The following GRID2 variants were observed in gnomAD, a reference collection of about 807,000 sequenced individuals.
GRID2 encodes glutamate ionotropic receptor delta type subunit 2.
GRID2 carries 33 observed loss-of-function variants against 114.8 expected under a neutral mutation model. That is an observed-to-expected ratio of 0.29 (90% confidence interval 0.22 to 0.38). GRID2 has a LOEUF of 0.38. Among genes scored for constraint, GRID2 ranks in the 10% least tolerant of loss-of-function variants. The probability of loss-of-function intolerance (pLI) is 1.00; values close to 1 mark genes in which losing one functional copy is unlikely to be tolerated. For missense variants in GRID2, 1,184 were observed against 1,257.7 expected (o/e 0.94, Z 0.89); for synonymous variants, 505 against 449.9 (o/e 1.12, Z -1.55).
At chr4:93,490,235 C>T (rs914573441) in intron 11 of GRID2, among the ~76,000 whole-genome samples, 1 of 151,756 alleles carries the variant, frequency 6.6e-6, no homozygotes, top group Non-Finnish European at 1.5e-5. Context: ...AAAAATAATC[C>T]TTTCAATATT....
At chr4:92,931,878 G>A (rs1295355676) in intron 2 of GRID2, among the ~76,000 whole-genome samples, 1 of 150,858 alleles carries the variant, frequency 6.6e-6, no homozygotes, top group Non-Finnish European at 1.5e-5. Context: ...AAAAAAGAAG[G>A]CCTTTTTAAT....
At chr4:93,003,679 G>GT (rs1452065879) in intron 2 of GRID2, among the ~76,000 whole-genome samples, 1 of 151,876 alleles carries the variant, frequency 6.6e-6, no homozygotes, top group Non-Finnish European at 1.5e-5. Context: ...AGAAATGTTT[G>GT]TTTAGGAGTT....
intron 2 of GRID2, among the ~76,000 whole-genome samples, chr4:92,628,595 C>T (rs577354495): frequency 1.3e-5 from 2 of 152,176 alleles, no homozygotes; most frequent in African/African-American, 2.4e-5. Flanking sequence ...TGAGGAAAGG[C>T]GATCTGCCCG....
chr4:92,663,293 C>T (rs1732606636), intron 2 of GRID2, among the ~76,000 whole-genome samples: 1 of 150,922 alleles, frequency 6.6e-6, no homozygotes, highest in African/African-American at 2.4e-5. Context: ...CATTAATAAA[C>T]ACTGGAAAAA....
chr4:92,628,837 T>G (rs1277525161), intron 2 of GRID2, among the ~76,000 whole-genome samples: 1 of 152,178 alleles, frequency 6.6e-6, no homozygotes, highest in Non-Finnish European at 1.5e-5. Context: ...CCTAAATTGG[T>G]TGCTATGATT....
At chr4:93,687,566 A>C (rs963731379) in intron 14 of GRID2, among the ~76,000 whole-genome samples, 3 of 152,056 alleles carry the variant, frequency 2.0e-5, no homozygotes, top group African/African-American at 4.8e-5. Flanking sequence ...TATAGCACCC[A>C]GAGGGCACTT....
At chr4:93,554,850 G>A (rs959448032) in intron 13 of GRID2, among the ~76,000 whole-genome samples, 1 of 152,120 alleles carries the variant, frequency 6.6e-6, no homozygotes, top group African/African-American at 2.4e-5. Context: ...CTGGTCTTCA[G>A]CTCCCAGCAA....
chr4:93,548,579 A>G lies in GRID2; in HGVS notation c.2193+33168A>G, dbSNP rs1328869845. On this transcript the variant is annotated intron_variant, in intron 13 of 15. Coordinates refer to ENST00000282020, the MANE Select transcript of GRID2 (RefSeq NM_001510.4). ...TTGAGCTACTTGAGAACAGTACTCA[A>G]TGAAGGTAAGACAGTCATAGTATAT... 2.0e-5 allele frequency among the ~76,000 whole-genome samples: 3 copies of G among 152,216 alleles called. No homozygotes were observed. The East Asian group carries it at 5.8e-4, about 29-fold the overall frequency.
At chr4:92,465,111 A>T (rs1271206586) in intron 1 of GRID2, among the ~76,000 whole-genome samples, 8 of 152,096 alleles carry the variant, frequency 5.3e-5, no homozygotes, top group Admixed American at 1.3e-4. Flanking sequence ...ACTCTGAGTC[A>T]ATTAAATCTC....
chr4:92,343,384 A>T (rs899750482), intron 1 of GRID2, among the ~76,000 whole-genome samples: 1 of 152,080 alleles, frequency 6.6e-6, no homozygotes, highest in Non-Finnish European at 1.5e-5. Context: ...TGTATTTACA[A>T]TTAACCCTTG....
In GRID2 at chr4:92,304,131, G is replaced by C. The variant is rs887940296; in HGVS notation, c.-526G>C. ...TGGTGGAATCTGGCTGCTCCGTTTGGAATCTCCTAATCTTTCCTTTCCACT... is the reference window on the plus strand; with the variant it reads ...TGGTGGAATCTGGCTGCTCCGTTTGCAATCTCCTAATCTTTCCTTTCCACT... On this transcript the variant is annotated 5_prime_UTR_variant, in exon 1 of 16. Transcript: ENST00000282020. The C allele has an allele frequency of 6.2e-6, 1 of 162,208 alleles. No homozygotes were observed. The highest frequency in any genetic ancestry group is 2.4e-5 in the African/African-American group (1 of 41,466). The allele number at this position is 162,208 out of a possible 1,614,324, so 10.0% of individuals were successfully genotyped here.
chr4:93,048,126 G>A (rs758758255), intron 2 of GRID2, among the ~76,000 whole-genome samples: 1 of 152,102 alleles, frequency 6.6e-6, no homozygotes, highest in African/African-American at 2.4e-5. Context: ...TCAGGATGAC[G>A]GTGCCCCTGT....
At chr4:93,289,752 A>C (rs924976276) in intron 8 of GRID2, among the ~76,000 whole-genome samples, 1 of 152,112 alleles carries the variant, frequency 6.6e-6, no homozygotes, top group Non-Finnish European at 1.5e-5. Context: ...TGTGCCCCAC[A>C]GTTAGTGTTG....
At chr4:93,588,013 T>C (rs1264252200) in intron 13 of GRID2, among the ~76,000 whole-genome samples, 2 of 152,164 alleles carry the variant, frequency 1.3e-5, no homozygotes, top group Non-Finnish European at 2.9e-5. Flanking sequence ...TGTTACTTTA[T>C]GGTTAGTCTA....
chr4:92,948,091 T>C (rs112188997), intron 2 of GRID2, among the ~76,000 whole-genome samples: 2,263 of 152,028 alleles, frequency 0.015, 22 homozygotes, highest in East Asian at 0.053. Context: ...AATATATTTA[T>C]GGCTCCTAAT....
chr4:92,484,274 C>A (rs1722758132), intron 1 of GRID2, among the ~76,000 whole-genome samples: 1 of 152,142 alleles, frequency 6.6e-6, no homozygotes, highest in Admixed American at 6.6e-5. Context: ...ACAGGCAAGG[C>A]ACCAAGATGC....
intron 2 of GRID2, among the ~76,000 whole-genome samples, chr4:92,994,040 T>C (rs1228207777): frequency 6.6e-6 from 1 of 152,126 alleles, no homozygotes; most frequent in Non-Finnish European, 1.5e-5. Context: ...ATCCAGTGTC[T>C]GAGGATACAA....
intron 7 of GRID2, among the ~76,000 whole-genome samples, chr4:93,231,455 C>T (rs187233571): frequency 5.8e-4 from 86 of 148,524 alleles, no homozygotes; most frequent in African/African-American, 2.0e-3. Flanking sequence ...CAAAGAGCTA[C>T]ACTCTAAGGC....
intron 2 of GRID2, among the ~76,000 whole-genome samples, chr4:92,703,643 AT>A (rs1432331609): frequency 1.1e-4 from 16 of 148,358 alleles, no homozygotes; most frequent in Non-Finnish European, 1.5e-4. Context: ...ATATATATAT[AT>A]AAAATCATGA....
Sources: gnomAD v4.1 joint callset for allele counts (sites outside exome capture counted in the v4.1 genomes callset) on GRCh38, gnomAD v4.1.1 for gene constraint, MANE v1.5 for transcripts, NCBI Gene and HGNC (gene_info 2026-07-23, HGNC 2026-07-21) for gene names.